Variants in TXNDC5 observed in about 807,000 individuals in gnomAD.
TXNDC5 encodes thioredoxin domain containing 5.
In TXNDC5, 44 loss-of-function variants were observed where a neutral mutation model predicts 52.6. That is an observed-to-expected ratio of 0.84 (90% CI 0.66 to 1.08). The LOEUF (loss-of-function observed/expected upper bound fraction) is 1.08, where lower values mean the gene tolerates loss of function less well. TXNDC5 is among the 50% of genes least tolerant of loss of function. TXNDC5 has a pLI of 0.00. For synonymous variants in TXNDC5, 241 were observed against 234.4 expected (o/e 1.03, Z -0.26); for missense variants, 600 against 565.5 (o/e 1.06, Z -0.62).
In TXNDC5 at chr6:7,899,570, A is replaced by G. The variant is rs1193091865; in HGVS notation, c.519+6T>C. 41 of 1,611,992 alleles carry G rather than the reference A, an allele frequency of 2.5e-5. No individual in the cohort carries two copies. Among genetic ancestry groups the G allele is most frequent in the Non-Finnish European group, 3.2e-5 (38 of 1,178,750 alleles). Reference sequence around the variant, plus strand: ...GAGGGAGGGAGGGAAGGAGGTAGACACTCACCACTGGCTCCTCGTTCAGTG... The same window carrying G: ...GAGGGAGGGAGGGAAGGAGGTAGACGCTCACCACTGGCTCCTCGTTCAGTG... On this transcript the variant is annotated splice_donor_region_variant and intron_variant, in intron 3 of 9. Coordinates refer to ENST00000379757, the MANE Select transcript of TXNDC5 (RefSeq NM_030810.5).
chr6:7,910,457 C>G (rs1760880936), intron 1 of TXNDC5, 57 bp downstream of exon 1: 10 of 1,344,838 alleles, frequency 7.4e-6, no homozygotes, highest in African/African-American at 1.6e-5. Context: ...CGCCCAAGCG[C>G]CCCACGCCCC....
Position 7,894,877 on chromosome 6 carries a change from G to A in TXNDC5, c.616+229C>T, listed in dbSNP as rs183281482. ...ACTGTCCAGCTAGTGTGCGGGTCAC[G>A]TGTGCTTAGCATTAGACTCGGCGTT... is the stretch of plus-strand genomic sequence containing the variant. On this transcript the variant is annotated intron_variant, in intron 4 of 9. Coordinates refer to ENST00000379757, the MANE Select transcript of TXNDC5 (RefSeq NM_030810.5). 8 of 985,430 alleles carry A rather than the reference G, an allele frequency of 8.1e-6. No homozygotes were observed. In the East Asian group the frequency reaches 7.9e-4, roughly 98 times the overall value. The allele number at this position is 985,430 out of a possible 1,614,324, so 61.0% of individuals were successfully genotyped here. A position where few individuals can be genotyped will look rare whatever the true frequency, so the allele number is the denominator to read the frequency against.
At chr6:7,887,730 C>T (rs1000436882) in intron 7 of TXNDC5, among the ~76,000 whole-genome samples, 3 of 152,138 alleles carry the variant, frequency 2.0e-5, no homozygotes, top group African/African-American at 7.2e-5. Flanking sequence ...TGGCCAGCTG[C>T]CCACAGACTC....
At position 7,882,840 on chromosome 6, in the gene TXNDC5, C is replaced by T. The variant is rs8643; in HGVS notation, c.*304G>A. ...AGTCCAGCAATTTCATTTCCCTCAACGCTATTTTAGTCTCAAAGGAAACCA... is the reference window on the plus strand; with the variant it reads ...AGTCCAGCAATTTCATTTCCCTCAATGCTATTTTAGTCTCAAAGGAAACCA... On this transcript the variant is annotated 3_prime_UTR_variant, in exon 10 of 10. Coordinates refer to ENST00000379757, the MANE Select transcript of TXNDC5 (RefSeq NM_030810.5). 22,071 of 240,798 alleles carry T rather than the reference C, an allele frequency of 0.092. 1,098 individuals are homozygous for T. Among genetic ancestry groups the T allele is most frequent in the South Asian group, 0.11 (1,130 of 10,680 alleles). The allele number at this position is 240,798 out of a possible 1,614,324, so 14.9% of individuals were successfully genotyped here. A position where few individuals can be genotyped will look rare whatever the true frequency, so the allele number is the denominator to read the frequency against.
rs2113308137 is a variant in TXNDC5, at chr6:7,882,724, C to G, written c.*420G>C. On this transcript the variant is annotated 3_prime_UTR_variant, in exon 10 of 10. Coordinates refer to ENST00000379757, the MANE Select transcript of TXNDC5 (RefSeq NM_030810.5). Reference sequence around the variant, plus strand: ...GATCAGAGGAACGTCAATACTGCCACAAGGCCACCTTTCCAGAACTCGTGG... The same window carrying G: ...GATCAGAGGAACGTCAATACTGCCAGAAGGCCACCTTTCCAGAACTCGTGG... 1 of 182,548 alleles carries G rather than the reference C, an allele frequency of 5.5e-6. No homozygotes were observed. The highest frequency in any genetic ancestry group is 2.4e-5 in the African/African-American group (1 of 42,372). 11.3% of individuals were successfully genotyped at this position (182,548 alleles called of 1,614,324 possible).
At position 7,899,215 on chromosome 6, in the gene TXNDC5, C is replaced by A. The variant is rs568131008; in HGVS notation, c.519+361G>T. 1.3e-4 allele frequency among the ~76,000 whole-genome samples: 20 copies of A among 152,304 alleles called. No individual in the cohort carries two copies. In the South Asian group the frequency reaches 4.1e-3, roughly 32 times the overall value. On this transcript the variant is annotated intron_variant, in intron 3 of 9. Transcript: ENST00000379757. ...GACAGTGGCAGGGTGGCAGTGTTAA[C>A]AAAGAGTAAGTGCTTATCTGTGAGG...
chr6:7,883,331 A>AATAAAACCAGATAC, intron 9 of TXNDC5, 65 bp from the exon 10 acceptor site: 1 of 1,609,022 alleles, frequency 6.2e-7, no homozygotes, highest in Non-Finnish European at 8.5e-7. Flanking sequence ...TTGCTTCCTA[A>AATAAAACCAGATAC]ATAAAACCAG....
chr6:7,884,350 A>G lies in TXNDC5; in HGVS notation c.1176+9T>C, dbSNP rs754720608. 2 of 1,613,952 alleles carry G rather than the reference A, an allele frequency of 1.2e-6. No homozygotes were observed. The highest frequency in any genetic ancestry group is 1.7e-6 in the Non-Finnish European group (2 of 1,179,916). On this transcript the variant is annotated intron_variant, in intron 9 of 9. Coordinates refer to ENST00000379757, the MANE Select transcript of TXNDC5 (RefSeq NM_030810.5). ...GAGAGCTCCCATAAGCATCCATCCA[A>G]GTACCCACCGAATACTTGCTGCAGA...
chr6:7,904,190 G>C (rs1258161917), intron 2 of TXNDC5, among the ~76,000 whole-genome samples: 1 of 152,164 alleles, frequency 6.6e-6, no homozygotes, highest in Non-Finnish European at 1.5e-5. Context: ...TTTCCAACAG[G>C]AACAGCCCTG....
chr6:7,892,391 C>T (rs565060099), intron 4 of TXNDC5, among the ~76,000 whole-genome samples: 116 of 152,350 alleles, frequency 7.6e-4, no homozygotes, highest in Non-Finnish European at 1.2e-3. Flanking sequence ...CCTATGTCTT[C>T]AGCAAGAAAG....
chr6:7,898,173 G>A (rs1760439683), intron 3 of TXNDC5, among the ~76,000 whole-genome samples: 1 of 151,906 alleles, frequency 6.6e-6, no homozygotes, highest in Non-Finnish European at 1.5e-5. Flanking sequence ...TGATTCTCCT[G>A]CCTCAGCCTC....
intron 3 of TXNDC5, among the ~76,000 whole-genome samples, chr6:7,897,138 CATG>C: frequency 6.6e-6 from 1 of 152,052 alleles, no homozygotes; most frequent in Non-Finnish European, 1.5e-5. Flanking sequence ...GGCAAATCCA[CATG>C]ATAAAATAAT....
intron 4 of TXNDC5, among the ~76,000 whole-genome samples, chr6:7,894,382 G>A (rs1471269756): frequency 3.3e-5 from 5 of 151,968 alleles, no homozygotes; most frequent in African/African-American, 1.2e-4. Context: ...TGATAGGCAT[G>A]AGCCACTGTG....
intron 3 of TXNDC5, 96 bp downstream of exon 3, chr6:7,899,480 C>A: frequency 1.3e-6 from 1 of 786,176 alleles, no homozygotes. Context: ...AATCATTAAC[C>A]TCAACTGGCC....
At chr6:7,885,824 T>A in intron 8 of TXNDC5, 137 bp downstream of exon 8, 1 of 693,962 alleles carries the variant, frequency 1.4e-6, no homozygotes, top group Non-Finnish European at 2.4e-6. Context: ...AACGGTTCCT[T>A]ATTTCCTACA....
In TXNDC5 at chr6:7,910,761, C is replaced by G; in HGVS notation, c.16G>C (p.Gly6Arg). The G allele has an allele frequency of 1.0e-6, 1 of 998,574 alleles. No individual in the cohort carries two copies. 61.9% of individuals were successfully genotyped at this position (998,574 alleles called of 1,614,324 possible). A position where few individuals can be genotyped will look rare whatever the true frequency, so the allele number is the denominator to read the frequency against. MPARP[G>R]RLLPLLARPA... ...CGGGCCAGCAGCGGGAGGAGGCGTC[C>G]TGGGCGCGCGGGCATCGCGGCGGGG... Residue 6 changes from glycine (G) to arginine (R), a missense_variant, in exon 1 of 10, where the codon GGA becomes CGA. By Grantham distance (125) the Gly-to-Arg change is moderately radical (BLOSUM62 -2). Coordinates refer to ENST00000379757, the MANE Select transcript of TXNDC5 (RefSeq NM_030810.5).
chr6:7,898,620 G>A (rs1453762084), intron 3 of TXNDC5, among the ~76,000 whole-genome samples: 1 of 152,094 alleles, frequency 6.6e-6, no homozygotes, highest in Non-Finnish European at 1.5e-5. Flanking sequence ...AGCTCATCAG[G>A]ATCCTACAGT....
Position 7,894,960 on chromosome 6 carries a change from C to G in TXNDC5, c.616+146G>C, listed in dbSNP as rs552584010. The stretch of plus-strand genomic sequence containing the variant: ...GTTTTAGAGGAGGTGCACTGAACAA[C>G]GGTCCCAACAGCTCCTCTAGAGTGA... On this transcript the variant is annotated intron_variant, in intron 4 of 9. Transcript: ENST00000379757. The G allele has an allele frequency of 2.7e-4, 390 of 1,427,676 alleles. 2 individuals are homozygous for G. The South Asian group carries it at 5.6e-3, about 20-fold the overall frequency. The allele number at this position is 1,427,676 out of a possible 1,614,324, so 88.4% of individuals were successfully genotyped here.
rs1211552305 is a variant in TXNDC5, at chr6:7,882,693, C to T, written c.*451G>A. 1 of 174,584 alleles carries T rather than the reference C, an allele frequency of 5.7e-6. No individual in the cohort carries two copies. Among genetic ancestry groups the T allele is most frequent in the Admixed American group, 5.5e-5 (1 of 18,080 alleles). The allele number at this position is 174,584 out of a possible 1,614,324, so 10.8% of individuals were successfully genotyped here. A position where few individuals can be genotyped will look rare whatever the true frequency, so the allele number is the denominator to read the frequency against. On this transcript the variant is annotated 3_prime_UTR_variant, in exon 10 of 10. Coordinates refer to ENST00000379757, the MANE Select transcript of TXNDC5 (RefSeq NM_030810.5). ...CAACACAGTATTGAGTCAACTGTGA[C>T]CTTAAGATCAGAGGAACGTCAATAC... is the stretch of plus-strand genomic sequence containing the variant.
Sources: allele counts gnomAD v4.1 joint callset (sites outside exome capture counted in the v4.1 genomes callset), GRCh38; gene constraint gnomAD v4.1.1; transcripts MANE v1.5; gene names NCBI Gene and HGNC (gene_info 2026-07-23, HGNC 2026-07-21).